The following CPNE5 variants were observed in gnomAD, a reference collection of about 807,000 sequenced individuals.
The protein encoded by CPNE5 is copine-5.
CPNE5 carries 42 observed loss-of-function variants against 81.1 expected under a neutral mutation model. The ratio of observed to expected loss-of-function variants is 0.52; its 90% confidence interval spans 0.40 to 0.67. CPNE5 has a LOEUF of 0.67. CPNE5 is among the 30% of genes least tolerant of loss of function. The pLI is 0.00. For missense variants in CPNE5, 612 were observed against 815.5 expected (o/e 0.75, Z 3.04); for synonymous variants, 313 against 321.5 (o/e 0.97, Z 0.28).
rs189508161 is a variant in CPNE5, at chr6:36,746,754, G to A, written c.1019-177C>T. On this transcript the variant is annotated intron_variant, in intron 15 of 20. Coordinates refer to ENST00000244751, the MANE Select transcript of CPNE5 (RefSeq NM_020939.2). The surrounding 1 kb of genome is among the most constrained non-coding windows in gnomAD (Gnocchi z 4.5). ...AAAACAGATCTAGAATCCCTCCTCC[G>A]CCTCTCCTCCTCCCCATACCACCAC... Among the ~76,000 whole-genome samples, 7 of 151,722 alleles carry A rather than the reference G, an allele frequency of 4.6e-5. No homozygotes were observed. Among genetic ancestry groups the A allele is most frequent in the East Asian group, 1.9e-4 (1 of 5,166 alleles).
At chr6:36,750,555 C>T (rs1334311356) in intron 14 of CPNE5, among the ~76,000 whole-genome samples, 2 of 152,228 alleles carry the variant, frequency 1.3e-5, no homozygotes, top group African/African-American at 4.8e-5. Context: ...CCACCCAACC[C>T]TGCCATCCCA....
At chr6:36,777,426 C>T (rs1179461401) in intron 9 of CPNE5, among the ~76,000 whole-genome samples, 2 of 152,096 alleles carry the variant, frequency 1.3e-5, no homozygotes, top group Non-Finnish European at 2.9e-5. Flanking sequence ...CAGTGCACCC[C>T]TCTCCTGCTC....
At chr6:36,780,456 C>T (rs578223847) in intron 8 of CPNE5, among the ~76,000 whole-genome samples, 1 of 152,328 alleles carries the variant, frequency 6.6e-6, no homozygotes, top group African/African-American at 2.4e-5. Flanking sequence ...CAATCCCATC[C>T]CTCCTTAGCT....
chr6:36,813,178 A>G (rs1771250548), intron 3 of CPNE5, among the ~76,000 whole-genome samples: 1 of 152,208 alleles, frequency 6.6e-6, no homozygotes, highest in Non-Finnish European at 1.5e-5. Flanking sequence ...CACTCTGCAC[A>G]CAGTGGCCAG....
intron 10 of CPNE5, among the ~76,000 whole-genome samples, chr6:36,765,583 T>C (rs550584009): frequency 6.6e-6 from 1 of 152,244 alleles, no homozygotes; most frequent in African/African-American, 2.4e-5. Context: ...CAGCCAGGGC[T>C]GTGTAGGGAC....
Position 36,775,083 on chromosome 6 carries a change from A to G in CPNE5, c.633-18T>C, listed in dbSNP as rs1767383628. The stretch of plus-strand genomic sequence containing the variant: ...TGGTGAACCTGGTGAAGAAGAAGAG[A>G]GGGAAAGGCTGTCAGGCCCAAACCC... On this transcript the variant is annotated intron_variant, in intron 9 of 20. Transcript: ENST00000244751. 9 of 1,604,592 alleles carry G rather than the reference A, an allele frequency of 5.6e-6. No homozygotes were observed. Among genetic ancestry groups the G allele is most frequent in the African/African-American group, 1.3e-5 (1 of 74,724 alleles).
intron 1 of CPNE5, among the ~76,000 whole-genome samples, chr6:36,830,815 C>T (rs1772925567): frequency 6.6e-6 from 1 of 152,150 alleles, no homozygotes; most frequent in South Asian, 2.1e-4. Flanking sequence ...ACGTAGGAAG[C>T]ACACTCAATT....
chr6:36,824,559 A>AC (rs1426494207), intron 1 of CPNE5, among the ~76,000 whole-genome samples: 3 of 151,072 alleles, frequency 2.0e-5, no homozygotes, highest in Admixed American at 6.6e-5. Context: ...TACTCCCACA[A>AC]CCCCCCACAG....
Position 36,746,593 on chromosome 6 carries a change from T to C in CPNE5, c.1019-16A>G. The C allele has an allele frequency of 6.2e-7, 1 of 1,604,134 alleles. No individual in the cohort carries two copies. Among genetic ancestry groups the C allele is most frequent in the Non-Finnish European group, 8.5e-7 (1 of 1,176,228 alleles). On this transcript the variant is annotated splice_polypyrimidine_tract_variant and intron_variant, in intron 15 of 20. Transcript: ENST00000244751. This position sits in a 1 kb window ranked among gnomAD's most constrained non-coding sequence, Gnocchi z 4.5. Reference sequence around the variant, plus strand: ...GAGGGGTTCCCTGTAACACAGGACATGGGAGCCTTTGACCATCTGGACCCT... The same window carrying C: ...GAGGGGTTCCCTGTAACACAGGACACGGGAGCCTTTGACCATCTGGACCCT...
chr6:36,822,248 G>A (rs956996080), intron 2 of CPNE5, 88 bp from the exon 3 acceptor site: 31 of 1,155,718 alleles, frequency 2.7e-5, no homozygotes, highest in Non-Finnish European at 3.5e-5. Flanking sequence ...CTGGGCAGGC[G>A]CCTCAGCAGA....
In CPNE5 at chr6:36,798,497, G is replaced by T; in HGVS notation, c.288-3C>A. 2 of 1,613,886 alleles carry T rather than the reference G, an allele frequency of 1.2e-6. No homozygotes were observed. Among genetic ancestry groups the T allele is most frequent in the Non-Finnish European group, 1.7e-6 (2 of 1,179,756 alleles). On this transcript the variant is annotated splice_region_variant and splice_polypyrimidine_tract_variant and intron_variant, in intron 4 of 20. Coordinates refer to ENST00000244751, the MANE Select transcript of CPNE5 (RefSeq NM_020939.2). ...GACTCTTAGAGTCAACGTCGTATCT[G>T]CAGGGAACACAGAGAAACGATGAAG...
chr6:36,787,011 T>G (rs947166153), intron 8 of CPNE5, among the ~76,000 whole-genome samples: 1 of 152,168 alleles, frequency 6.6e-6, no homozygotes, highest in African/African-American at 2.4e-5. Context: ...ACCAAAAAAA[T>G]TCAAACTAAC....
At chr6:36,835,536 C>A (rs1039086032) in intron 1 of CPNE5, among the ~76,000 whole-genome samples, 1 of 152,216 alleles carries the variant, frequency 6.6e-6, no homozygotes, top group African/African-American at 2.4e-5. Flanking sequence ...TGGCTGACGC[C>A]TGTAATCCTA....
At chr6:36,755,964 A>G in intron 13 of CPNE5, 2 of 488,770 alleles carry the variant, frequency 4.1e-6, no homozygotes, top group Non-Finnish European at 7.2e-6. Context: ...CCCAATAAAT[A>G]CGACTTCTCT....
chr6:36,792,771 C>T (rs1304641701), intron 7 of CPNE5, among the ~76,000 whole-genome samples: 1 of 152,146 alleles, frequency 6.6e-6, no homozygotes, highest in African/African-American at 2.4e-5. Flanking sequence ...GGCTGGGGCT[C>T]CACTCAGGGG....
chr6:36,785,795 T>C (rs142665774), intron 8 of CPNE5, among the ~76,000 whole-genome samples: 3,480 of 152,194 alleles, frequency 0.023, 57 homozygotes, highest in South Asian at 0.062. Flanking sequence ...GGCAGATCAC[T>C]TGAGGCCAGG....
chr6:36,831,440 G>T (rs984945585), intron 1 of CPNE5, among the ~76,000 whole-genome samples: 1 of 151,864 alleles, frequency 6.6e-6, no homozygotes, highest in Middle Eastern at 3.4e-3. Flanking sequence ...TGCAACCTCC[G>T]CCTCCCAGGT....
intron 7 of CPNE5, among the ~76,000 whole-genome samples, chr6:36,793,093 C>T (rs550453906): frequency 3.2e-4 from 48 of 152,288 alleles, no homozygotes; most frequent in Non-Finnish European, 1.2e-4. Flanking sequence ...AATTGTGCAA[C>T]GCTGGTAAAA....
At chr6:36,749,127 G>A (rs530016065) in intron 14 of CPNE5, among the ~76,000 whole-genome samples, 50 of 151,848 alleles carry the variant, frequency 3.3e-4, no homozygotes, top group African/African-American at 1.2e-3. Flanking sequence ...GCAGAGATGG[G>A]GTCTCATTAT....
Sources: gnomAD v4.1 joint callset for allele counts (sites outside exome capture counted in the v4.1 genomes callset) on GRCh38, gnomAD v4.1.1 for gene constraint, Gnocchi (gnomAD v3.1) non-coding constraint, MANE v1.5 for transcripts, NCBI Gene and HGNC (gene_info 2026-07-23, HGNC 2026-07-21) for gene names.